FBXL14: variants seen among roughly 807,000 people sequenced by gnomAD.
The protein encoded by FBXL14 is F-box/LRR-repeat protein 14.
FBXL14 carries 11 observed loss-of-function variants against 24.5 expected under a neutral mutation model. The ratio of observed to expected loss-of-function variants is 0.45; its 90% CI spans 0.28 to 0.74. The LOEUF (loss-of-function observed/expected upper bound fraction) is 0.74, where lower values mean the gene tolerates loss of function less well. FBXL14 is among the 30% of genes least tolerant of loss of function. The pLI is 0.12. For missense variants in FBXL14, 384 were observed against 545.6 expected (o/e 0.70, Z 2.95); for synonymous variants, 294 against 240.4 (o/e 1.22, Z -2.06).
chr12:1,592,776 C>G (rs1045613322), intron 1 of FBXL14, 97 bp downstream of exon 1: 4 of 1,055,928 alleles, frequency 3.8e-6, no homozygotes, highest in Non-Finnish European at 5.4e-6. Flanking sequence ...CTGCAATGAT[C>G]TGTGCGTAAG....
At chr12:1,574,700 G>A (rs958159623) in intron 1 of FBXL14, 10 of 173,374 alleles carry the variant, frequency 5.8e-5, no homozygotes, top group Admixed American at 1.7e-4. Context: ...AGGAAGCTTC[G>A]CAGTCCTGCC....
At chr12:1,594,632 C>T (rs1380048794), upstream of FBXL14, among the ~76,000 whole-genome samples, 3 of 149,020 alleles carry the variant, frequency 2.0e-5, no homozygotes, top group Admixed American at 6.7e-5. Flanking sequence ...GCGGGGGGAC[C>T]AGGAGGCCAA....
rs542657546 is a variant in FBXL14 at position 1,567,353 on chromosome 12, G to C, written c.1195-543C>G. Among the ~76,000 whole-genome samples, 1 of 151,950 alleles carries C rather than the reference G, an allele frequency of 6.6e-6. No individual in the cohort carries two copies. Among genetic ancestry groups the C allele is most frequent in the Non-Finnish European group, 1.5e-5 (1 of 67,994 alleles). ...GAAAGAAAAGAAAAATTAGCTGGGC[G>C]TGGTGGCAAGCACCTGTAATCCCAG... On this transcript the variant is annotated intron_variant, in intron 1 of 1. Coordinates refer to ENST00000339235, the MANE Select transcript of FBXL14 (RefSeq NM_152441.3). This position sits in a 1 kb window ranked among gnomAD's most constrained non-coding sequence, Gnocchi z 4.8.
intron 1 of FBXL14, among the ~76,000 whole-genome samples, chr12:1,584,543 G>A (rs1166597816): frequency 1.3e-5 from 2 of 152,202 alleles, no homozygotes; most frequent in African/African-American, 4.8e-5. Flanking sequence ...CAATGGCAGG[G>A]CATCTGTCTC....
In FBXL14 at chr12:1,569,685, C is replaced by T. The variant is rs1194250140; in HGVS notation, c.1195-2875G>A. On this transcript the variant is annotated intron_variant, in intron 1 of 1. Coordinates refer to ENST00000339235, the MANE Select transcript of FBXL14 (RefSeq NM_152441.3). The surrounding 1 kb of genome is among the most constrained non-coding windows in gnomAD (Gnocchi z 4.2). ...AGAGTGCTGGGATTACAGGCGTGAG[C>T]CACCGCTCCCGGCACCACTTGGTTC... Among the ~76,000 whole-genome samples, 2 of 152,252 alleles carry T rather than the reference C, an allele frequency of 1.3e-5. No individual in the cohort carries two copies. Among genetic ancestry groups the T allele is most frequent in the African/African-American group, 2.4e-5 (1 of 41,464 alleles).
chr12:1,575,396 G>A (rs1027355378), intron 1 of FBXL14, among the ~76,000 whole-genome samples: 6 of 152,278 alleles, frequency 3.9e-5, no homozygotes, highest in Admixed American at 3.3e-4. Flanking sequence ...CTGTCCATCT[G>A]GTTTTGAATA....
At chr12:1,580,701 A>C (rs1205584839) in intron 1 of FBXL14, among the ~76,000 whole-genome samples, 1 of 152,176 alleles carries the variant, frequency 6.6e-6, no homozygotes, top group Non-Finnish European at 1.5e-5. Flanking sequence ...TGAAATGTCC[A>C]GCTGGGATTT....
At chr12:1,573,349 G>A (rs1034712630) in intron 1 of FBXL14, among the ~76,000 whole-genome samples, 4 of 152,300 alleles carry the variant, frequency 2.6e-5, no homozygotes, top group African/African-American at 9.6e-5. Context: ...CCACAATACT[G>A]TAAGCTTTGT....
At chr12:1,577,825 C>T (rs1194298536) in intron 1 of FBXL14, among the ~76,000 whole-genome samples, 4 of 152,142 alleles carry the variant, frequency 2.6e-5, no homozygotes, top group East Asian at 1.9e-4. Context: ...ACTTAGAAAT[C>T]GGAAGCAATA....
intron 1 of FBXL14, among the ~76,000 whole-genome samples, chr12:1,586,511 A>G (rs55773654): frequency 0.13 from 19,350 of 152,104 alleles, 3,111 homozygotes; most frequent in African/African-American, 0.38. Flanking sequence ...GCTTGGTGCC[A>G]CACATCTCTG....
intron 1 of FBXL14, among the ~76,000 whole-genome samples, chr12:1,572,630 CGGGG>C (rs945375104): frequency 4.4e-5 from 1 of 22,558 alleles, no homozygotes; most frequent in Admixed American, 5.3e-4. Flanking sequence ...GTCGGGGAAG[CGGGG>C]GGGCAGTGGA....
chr12:1,591,347 G>GTTTT (rs34841563), intron 1 of FBXL14, among the ~76,000 whole-genome samples: 2 of 138,360 alleles, frequency 1.4e-5, no homozygotes, highest in African/African-American at 2.7e-5. Context: ...CAAGGCTGTT[G>GTTTT]TTTTTTTTTT....
At position 1,579,528 on chromosome 12, in the gene FBXL14, A is replaced by C. The variant is rs2094462170; in HGVS notation, c.1195-12718T>G. On this transcript the variant is annotated intron_variant, in intron 1 of 1. Transcript: ENST00000339235. This position sits in a 1 kb window ranked among gnomAD's most constrained non-coding sequence, Gnocchi z 4.3. ...CTACTCGAGAGGCTGAGGTGGGAGA[A>C]TCGCTTGAGGGGAGTGGGAGGTTGC... is the stretch of plus-strand genomic sequence containing the variant. 6.6e-6 allele frequency among the ~76,000 whole-genome samples: 1 copy of C among 151,746 alleles called. No individual in the cohort carries two copies. Among genetic ancestry groups the C allele is most frequent in the African/African-American group, 2.4e-5 (1 of 41,282 alleles).
At chr12:1,583,329 A>G (rs1002990678) in intron 1 of FBXL14, among the ~76,000 whole-genome samples, 18 of 151,838 alleles carry the variant, frequency 1.2e-4, no homozygotes, top group Admixed American at 3.3e-4. Context: ...AGATATGGCA[A>G]TCTAAGAAGG....
chr12:1,587,581 A>C (rs1396576146), intron 1 of FBXL14: 1 of 152,238 alleles, frequency 6.6e-6, no homozygotes. Context: ...GTGGACATTT[A>C]AATTTACCAA....
At chr12:1,585,720 A>C (rs2094475243) in intron 1 of FBXL14, among the ~76,000 whole-genome samples, 1 of 152,226 alleles carries the variant, frequency 6.6e-6, no homozygotes, top group South Asian at 2.1e-4. Flanking sequence ...AAATATAAGA[A>C]GGTGCCTAGT....
chr12:1,578,045 C>A (rs1056760641), intron 1 of FBXL14, among the ~76,000 whole-genome samples: 62 of 152,318 alleles, frequency 4.1e-4, no homozygotes, highest in African/African-American at 1.4e-3. Flanking sequence ...GCCAGTTTGA[C>A]ACAATGAACT....
intron 1 of FBXL14, among the ~76,000 whole-genome samples, chr12:1,584,329 T>C (rs1338643047): frequency 6.6e-6 from 1 of 152,162 alleles, no homozygotes; most frequent in Admixed American, 6.5e-5. Context: ...TCAGCCTGGG[T>C]GACAGAGCGA....
chr12:1,593,393 C>A lies in FBXL14; in HGVS notation c.674G>T (p.Arg225Leu), dbSNP rs1269816675. 6.2e-7 allele frequency: 1 copy of A among 1,613,900 alleles called. No homozygotes were observed. The highest frequency in any genetic ancestry group is 8.5e-7 in the Non-Finnish European group (1 of 1,180,032). Reference protein sequence around the residue: ...LTDLSLKHISRGLTGLRLLNL... With the variant: ...LTDLSLKHISLGLTGLRLLNL... ...GAGGAGCCTCAGGCCCGTCAGCCCT[C>A]GGGAGATGTGCTTTAGAGAAAGATC... The change falls in exon 1 of 2, where the codon CGA (arginine) becomes CTA (leucine). Residue 225 changes from arginine to leucine, a missense_variant. Arg to Leu is a moderately radical substitution (Grantham distance 102). Coordinates refer to ENST00000339235, the MANE Select transcript of FBXL14 (RefSeq NM_152441.3). This position sits in a 1 kb window ranked among gnomAD's most constrained non-coding sequence, Gnocchi z 7.4.
Sources: gnomAD v4.1 joint callset for allele counts (sites outside exome capture counted in the v4.1 genomes callset) on GRCh38, gnomAD v4.1.1 for gene constraint, Gnocchi (gnomAD v3.1) non-coding constraint, MANE v1.5 for transcripts, NCBI Gene and HGNC (gene_info 2026-07-23, HGNC 2026-07-21) for gene names.